The following PPARGC1A variants were observed in gnomAD, a reference collection of about 807,000 sequenced individuals.
PPARGC1A encodes the protein peroxisome proliferator-activated receptor gamma coactivator 1-alpha.
In PPARGC1A, 25 loss-of-function variants were observed where a neutral mutation model predicts 88.7. The observed-to-expected ratio is 0.28, with a 90% confidence interval of 0.21 to 0.39. The LOEUF (loss-of-function observed/expected upper bound fraction) is 0.39. Among genes scored for constraint, PPARGC1A ranks in the 10% least tolerant of loss-of-function variants. PPARGC1A has a pLI of 1.00. For missense variants in PPARGC1A, 880 were observed against 968.7 expected, an observed-to-expected ratio of 0.91 and a Z score of 1.22; for synonymous variants, 363 against 355.6, an observed-to-expected ratio of 1.02 and a Z score of -0.24.
chr4:24,330,882 C>G, the PPARGC1A span, among the ~76,000 whole-genome samples: 1 of 152,106 alleles, frequency 6.6e-6, no homozygotes, highest in South Asian at 2.1e-4. Context: ...AAGACATAGT[C>G]TCTACTGCTG....
At chr4:23,868,702 G>A (rs60239302) in intron 2 of PPARGC1A, among the ~76,000 whole-genome samples, 3,047 of 152,294 alleles carry the variant, frequency 0.02, 43 homozygotes, top group Middle Eastern at 0.044. Flanking sequence ...TGCCAAAGAC[G>A]GCCACAAATA....
the PPARGC1A span, among the ~76,000 whole-genome samples, chr4:24,439,463 A>AT: frequency 6.6e-6 from 1 of 152,074 alleles, no homozygotes; most frequent in Non-Finnish European, 1.5e-5. Flanking sequence ...ACTTGCTATA[A>AT]TTTTTTTCCT....
At chr4:24,210,529 T>C in the PPARGC1A span, among the ~76,000 whole-genome samples, 1 of 152,232 alleles carries the variant, frequency 6.6e-6, no homozygotes, top group Admixed American at 6.5e-5. Context: ...TAGTGTTTTG[T>C]TATTTTTTTC....
At chr4:23,991,165 G>A in the PPARGC1A span, among the ~76,000 whole-genome samples, 1 of 151,968 alleles carries the variant, frequency 6.6e-6, no homozygotes, top group African/African-American at 2.4e-5. Flanking sequence ...CCACTTTCTG[G>A]AAATGATAGC....
At chr4:23,923,953 G>A in the PPARGC1A span, among the ~76,000 whole-genome samples, 4 of 152,104 alleles carry the variant, frequency 2.6e-5, no homozygotes, top group African/African-American at 9.7e-5. Flanking sequence ...TTTCTTCTGG[G>A]CTGGGCTGCA....
At chr4:24,252,199 G>A in the PPARGC1A span, among the ~76,000 whole-genome samples, 4 of 152,276 alleles carry the variant, frequency 2.6e-5, no homozygotes, top group African/African-American at 9.6e-5. Flanking sequence ...AATGTTCTAT[G>A]ATGTAAACAT....
At chr4:24,383,089 T>C in the PPARGC1A span, among the ~76,000 whole-genome samples, 1 of 152,156 alleles carries the variant, frequency 6.6e-6, no homozygotes, top group African/African-American at 2.4e-5. Context: ...GCAAACAGGG[T>C]CTGGAGTGGA....
At chr4:24,445,912 AC>A in the PPARGC1A span, among the ~76,000 whole-genome samples, 3 of 152,216 alleles carry the variant, frequency 2.0e-5, no homozygotes, top group Admixed American at 6.5e-5. Context: ...TACTAAAAAT[AC>A]AAAACTAGCC....
rs551657445 is a variant in PPARGC1A, at chr4:23,864,831, A to G, written c.234+19921T>C. On this transcript the variant is annotated intron_variant, in intron 2 of 12. Transcript: ENST00000264867. ...ATCAGCAGCAAGCTTGCAAAGCACCAAAGACCTCATTGACAGCAGACGGCA... is the reference window on the plus strand; with the variant it reads ...ATCAGCAGCAAGCTTGCAAAGCACCGAAGACCTCATTGACAGCAGACGGCA... Among the ~76,000 whole-genome samples the G allele has an allele frequency of 2.5e-4, 38 of 152,356 alleles. 1 individual carries two copies. In the South Asian group the frequency reaches 7.5e-3, roughly 30 times the overall value.
chr4:24,084,046 C>T, the PPARGC1A span, among the ~76,000 whole-genome samples: 5 of 152,190 alleles, frequency 3.3e-5, no homozygotes, highest in East Asian at 5.8e-4. Flanking sequence ...AACATGCTCA[C>T]GGTCACACAG....
the PPARGC1A span, among the ~76,000 whole-genome samples, chr4:23,924,386 G>A: frequency 2.0e-4 from 31 of 152,054 alleles, no homozygotes; most frequent in Admixed American, 1.4e-3. Flanking sequence ...CTAGCACTTC[G>A]GGAGGCCGAG....
the PPARGC1A span, among the ~76,000 whole-genome samples, chr4:23,959,677 G>T: frequency 6.6e-6 from 1 of 152,066 alleles, no homozygotes; most frequent in South Asian, 2.1e-4. Context: ...AGCTCTTGGG[G>T]TCTCCTATGA....
the PPARGC1A span, among the ~76,000 whole-genome samples, chr4:24,290,177 G>A: frequency 5.3e-5 from 8 of 151,994 alleles, no homozygotes; most frequent in African/African-American, 1.9e-4. Flanking sequence ...AGATTTGGGT[G>A]GGGACACAGC....
the PPARGC1A span, among the ~76,000 whole-genome samples, chr4:24,225,139 A>T: frequency 1.6e-3 from 244 of 152,310 alleles, no homozygotes; most frequent in African/African-American, 5.2e-3. Flanking sequence ...GAATGATGGA[A>T]CTAGTTTTTA....
At chr4:24,004,155 T>C in the PPARGC1A span, among the ~76,000 whole-genome samples, 1 of 152,190 alleles carries the variant, frequency 6.6e-6, no homozygotes, top group Non-Finnish European at 1.5e-5. Context: ...CCATCTGTGT[T>C]GCTATAGCAG....
chr4:24,442,179 T>C, the PPARGC1A span, among the ~76,000 whole-genome samples: 7,549 of 152,142 alleles, frequency 0.05, 352 homozygotes, highest in African/African-American at 0.1. Flanking sequence ...AATGGAAAAA[T>C]AAAAGCAGAT....
At chr4:24,040,163 A>G in the PPARGC1A span, among the ~76,000 whole-genome samples, 3 of 152,330 alleles carry the variant, frequency 2.0e-5, no homozygotes, top group African/African-American at 7.2e-5. Context: ...CACACTGACT[A>G]GGTATCTTTG....
chr4:23,869,771 CTTAT>C (rs1560481179), intron 2 of PPARGC1A, among the ~76,000 whole-genome samples: 1 of 151,944 alleles, frequency 6.6e-6, no homozygotes, highest in African/African-American at 2.4e-5. Flanking sequence ...GGGGTGGTGG[CTTAT>C]TTGAGGACTG....
the PPARGC1A span, among the ~76,000 whole-genome samples, chr4:23,965,864 C>A: frequency 1.4e-4 from 22 of 152,180 alleles, no homozygotes; most frequent in Admixed American, 1.4e-3. Context: ...AAATAAATCA[C>A]AAAATACCCT....
Sources: gnomAD v4.1 joint callset for allele counts (sites outside exome capture counted in the v4.1 genomes callset) on GRCh38, gnomAD v4.1.1 for gene constraint, MANE v1.5 for transcripts, NCBI Gene and HGNC (gene_info 2026-07-23, HGNC 2026-07-21) for gene names.